Variants in SARM1 observed in about 807,000 individuals in gnomAD.
SARM1 encodes the protein sterile alpha and TIR motif containing 1.
A neutral mutation model predicts 65.1 loss-of-function variants in SARM1; 60 were observed. The observed-to-expected ratio is 0.92, with a 90% CI of 0.75 to 1.14. The LOEUF (loss-of-function observed/expected upper bound fraction) is 1.14, where lower values mean the gene tolerates loss of function less well. Ranked by LOEUF, SARM1 falls within the 50% of genes most tolerant of loss-of-function variation. The pLI is 0.00. For synonymous variants in SARM1, 417 were observed against 465.4 expected (o/e 0.90, Z 1.34); for missense variants, 913 against 1,015.7 (o/e 0.90, Z 1.37).
rs782084258 is a variant in SARM1, at chr17:28,399,513, C to G, written c.*3227C>G. ...TGTGGATGGGGTGGTGCCTTGGTCT[C>G]TCTTGACTACCTCGTCCAAAGAGAG... is the stretch of plus-strand genomic sequence containing the variant. On this transcript the variant is annotated 3_prime_UTR_variant, in exon 9 of 9. Transcript: ENST00000585482. The G allele has an allele frequency of 1.9e-5, 15 of 810,108 alleles. No homozygotes were observed. The highest frequency in any genetic ancestry group is 3.0e-5 in the Non-Finnish European group (15 of 497,368). 50.2% of individuals were successfully genotyped at this position (810,108 alleles called of 1,614,324 possible). A position where few individuals can be genotyped will look rare whatever the true frequency, so the allele number is the denominator to read the frequency against.
chr17:28,371,719 C>A lies in SARM1; in HGVS notation c.-314C>A. The A allele has an allele frequency of 3.7e-6, 1 of 268,486 alleles. No homozygotes were observed. The highest frequency in any genetic ancestry group is 7.0e-6 in the Non-Finnish European group (1 of 142,638). 16.6% of individuals were successfully genotyped at this position (268,486 alleles called of 1,614,324 possible). On this transcript the variant is annotated 5_prime_UTR_variant, in exon 1 of 9. Coordinates refer to ENST00000585482, the MANE Select transcript of SARM1 (RefSeq NM_015077.4). ...ATCTCCCAGCTCAGCCGAGCCCGTG[C>A]CCAGGCCACGCTTTGTTCCAGCCGC...
chr17:28,396,269 CCCATGGGT>C lies in SARM1; in HGVS notation c.2162_2169del (p.Met721AsnfsTer155), dbSNP rs1555587963. On this transcript the variant is annotated frameshift_variant, in exon 9 of 9. Coordinates refer to ENST00000585482, the MANE Select transcript of SARM1 (RefSeq NM_015077.4). LOFTEE classifies it high-confidence loss of function. ...TGACACCAGTTTGGAGGGTGCTGCA[CCCATGGGT>C]CCAACCTAACCAGTCCCCAGTTCCC... The C allele has an allele frequency of 6.2e-7, 1 of 1,614,004 alleles. No individual in the cohort carries two copies. Among genetic ancestry groups the C allele is most frequent in the East Asian group, 2.2e-5 (1 of 44,882 alleles).
rs1226548571 is a variant in SARM1 at position 28,384,057 on chromosome 17, C to G, written c.1090-300C>G. 1.6e-4 allele frequency among the ~76,000 whole-genome samples: 25 copies of G among 152,166 alleles called. No homozygotes were observed. The highest frequency in any genetic ancestry group is 6.0e-4 in the African/African-American group (25 of 41,424). On this transcript the variant is annotated intron_variant, in intron 2 of 8. Transcript: ENST00000585482. This position sits in a 1 kb window ranked among gnomAD's most constrained non-coding sequence, Gnocchi z 4.4. ...GAGTGATGGGCAGCTGCACTGTGCC[C>G]TGCCTGGCGCTATGCTGAGAGCTCA...
At chr17:28,390,720 A>T (rs1397290148) in intron 7 of SARM1, among the ~76,000 whole-genome samples, 2 of 152,190 alleles carry the variant, frequency 1.3e-5, no homozygotes, top group African/African-American at 4.8e-5. Flanking sequence ...AAGGACTGGA[A>T]TAATCAGGGA....
At chr17:28,376,266 G>C (rs1439812060) in intron 1 of SARM1, among the ~76,000 whole-genome samples, 1 of 152,028 alleles carries the variant, frequency 6.6e-6, no homozygotes, top group Admixed American at 6.5e-5. Context: ...CTGAAAATGA[G>C]AGTGTTGGCT....
At position 28,372,097 on chromosome 17, in the gene SARM1, G is replaced by A. The variant is rs782388206; in HGVS notation, c.65G>A (p.Arg22Gln). 6 of 1,484,634 alleles carry A rather than the reference G, an allele frequency of 4.0e-6. No individual in the cohort carries two copies. The Admixed American group carries it at 1.3e-4, about 33-fold the overall frequency. 92.0% of individuals were successfully genotyped at this position (1,484,634 alleles called of 1,614,324 possible). ...LCRFFAMSGP[R>Q]PGAERLAVPG... ...CGCTTCTTCGCCATGTCGGGCCCAC[G>A]GCCGGGCGCCGAGCGGCTGGCGGTG... The change falls in exon 1 of 9, where the codon CGG becomes CAG. Residue 22 changes from arginine to glutamine, a missense_variant. By Grantham distance (43) the Arg-to-Gln change is conservative. Coordinates refer to ENST00000585482, the MANE Select transcript of SARM1 (RefSeq NM_015077.4). This position sits in a 1 kb window ranked among gnomAD's most constrained non-coding sequence, Gnocchi z 5.2.
At position 28,385,215 on chromosome 17, in the gene SARM1, C is replaced by A; in HGVS notation, c.1570C>A (p.Leu524Met). 1 of 1,599,814 alleles carries A rather than the reference C, an allele frequency of 6.3e-7. No homozygotes were observed. Among genetic ancestry groups the A allele is most frequent in the East Asian group, 2.3e-5 (1 of 44,248 alleles). ...GCACCGCGTGTCTGAGCAGCAGCTG[C>A]TGGAAGACTGCGGCATCCACCTGGG... is the stretch of plus-strand genomic sequence containing the variant. ...LLHRVSEQQL[L>M]EDCGIHLGVH... The change falls in exon 5 of 9, where the codon CTG becomes ATG. Residue 524 changes from leucine (L) to methionine (M), a missense_variant. Coordinates refer to ENST00000585482, the MANE Select transcript of SARM1 (RefSeq NM_015077.4). This position sits in a 1 kb window ranked among gnomAD's most constrained non-coding sequence, Gnocchi z 4.5.
In SARM1 at chr17:28,403,967, C is replaced by G. The variant is rs1198842347; in HGVS notation, c.*7681C>G. 1 of 153,560 alleles carries G rather than the reference C, an allele frequency of 6.5e-6. No individual in the cohort carries two copies. Among genetic ancestry groups the G allele is most frequent in the African/African-American group, 2.4e-5 (1 of 41,422 alleles). The allele number at this position is 153,560 out of a possible 1,614,324, so 9.5% of individuals were successfully genotyped here. On this transcript the variant is annotated 3_prime_UTR_variant, in exon 9 of 9. Coordinates refer to ENST00000585482, the MANE Select transcript of SARM1 (RefSeq NM_015077.4). Reference sequence around the variant, plus strand: ...GGATGAGGCTGCAGTGAGCCATGATCGTGCCACTGCACTCTAGCCTGGGTA... The same window carrying G: ...GGATGAGGCTGCAGTGAGCCATGATGGTGCCACTGCACTCTAGCCTGGGTA...
Position 28,381,579 on chromosome 17 carries a change from G to A in SARM1, c.847G>A (p.Val283Met), listed in dbSNP as rs1555585276. Residue 283 changes from valine to methionine, a missense_variant, in exon 2 of 9, where the codon GTG becomes ATG. Val to Met is a conservative substitution (Grantham distance 21). This residue lies in a region of SARM1 where 862 missense variants were observed against 952.1 expected (regional missense o/e 0.91). Transcript: ENST00000585482. ...AVAVLATNKEVEREVERSGTL... is the reference protein window; with the variant it reads ...AVAVLATNKEMEREVERSGTL... ...AGCGGTGTTGGCGACTAACAAGGAGGTGGAGCGCGAGGTGGAGCGCTCGGG... is the reference window on the plus strand; with the variant it reads ...AGCGGTGTTGGCGACTAACAAGGAGATGGAGCGCGAGGTGGAGCGCTCGGG... 2.3e-5 allele frequency: 37 copies of A among 1,591,938 alleles called. No homozygotes were observed. The highest frequency in any genetic ancestry group is 3.0e-5 in the Non-Finnish European group (35 of 1,170,514).
At position 28,384,409 on chromosome 17, in the gene SARM1, C is replaced by G. The variant is rs1555585631; in HGVS notation, c.1142C>G (p.Ser381Cys). 5 of 1,612,260 alleles carry G rather than the reference C, an allele frequency of 3.1e-6. No individual in the cohort carries two copies. Among genetic ancestry groups the G allele is most frequent in the Non-Finnish European group, 4.2e-6 (5 of 1,179,118 alleles). The change falls in exon 3 of 9, where the codon TCT becomes TGT. Residue 381 changes from serine to cysteine, a missense_variant. Around this residue, in one of 3 missense-constraint regions of SARM1, gnomAD observed 862 missense variants for 952.1 expected, o/e 0.91. Transcript: ENST00000585482. The surrounding 1 kb of genome is among the most constrained non-coding windows in gnomAD (Gnocchi z 4.4). The stretch of plus-strand genomic sequence containing the variant: ...AGCCTGAAACGCCTGGTTTCCTACT[C>G]TACCAATGGCACTAAGTCGGCGCTG... ...IQSLKRLVSY[S>C]TNGTKSALAK...
intron 1 of SARM1, among the ~76,000 whole-genome samples, chr17:28,377,680 G>T (rs984683878): frequency 6.6e-6 from 1 of 152,266 alleles, no homozygotes; most frequent in East Asian, 1.9e-4. Flanking sequence ...CTCTTTGGCA[G>T]TAATGTCACC....
chr17:28,386,678 G>A (rs961531619), intron 5 of SARM1: 8 of 152,296 alleles, frequency 5.3e-5, no homozygotes, highest in Non-Finnish European at 1.2e-4. Context: ...TTCAACCAAA[G>A]CAGGTTGGCT....
chr17:28,379,333 C>T lies in SARM1; in HGVS notation c.471-1870C>T, dbSNP rs534757431. ...TTTTTTTTTTTTTTTTTTTTTGAGA[C>T]GGAGTCTCGCTCTGTTGCCCAGGCT... is the stretch of plus-strand genomic sequence containing the variant. On this transcript the variant is annotated intron_variant, in intron 1 of 8. Transcript: ENST00000585482. Among the ~76,000 whole-genome samples, 82 of 95,040 alleles carry T rather than the reference C, an allele frequency of 8.6e-4. 1 individual carries two copies. In the East Asian group the frequency reaches 0.025, roughly 30 times the overall value. The allele number at this position is 95,040 out of a possible 152,430, so 62.3% of individuals were successfully genotyped here.
Position 28,402,539 on chromosome 17 carries a change from T to C in SARM1, c.*6253T>C, listed in dbSNP as rs2068210194. ...GCTAGCTCTCATGAATGAATGCTAA[T>C]TCCCATTGATTGCTTTCTTGTCTGA... On this transcript the variant is annotated 3_prime_UTR_variant, in exon 9 of 9. Coordinates refer to ENST00000585482, the MANE Select transcript of SARM1 (RefSeq NM_015077.4). The C allele has an allele frequency of 6.5e-6, 3 of 459,290 alleles. No individual in the cohort carries two copies. The South Asian group carries it at 8.7e-5, about 13-fold the overall frequency. The allele number at this position is 459,290 out of a possible 1,614,324, so 28.5% of individuals were successfully genotyped here. A position where few individuals can be genotyped will look rare whatever the true frequency, so the allele number is the denominator to read the frequency against.
At chr17:28,386,361 C>A (rs1160634849) in intron 5 of SARM1, among the ~76,000 whole-genome samples, 1 of 151,738 alleles carries the variant, frequency 6.6e-6, no homozygotes, top group Non-Finnish European at 1.5e-5. Flanking sequence ...ATCTGTGTGA[C>A]CCCCCACCCC....
rs2068174337 is a variant in SARM1 at position 28,399,797 on chromosome 17, G to A, written c.*3511G>A. ...GGAGAAGTGACACAGGATTTACTGGGGTGGGCTGGTCCAGGTAGCTCTCCT... is the reference window on the plus strand; with the variant it reads ...GGAGAAGTGACACAGGATTTACTGGAGTGGGCTGGTCCAGGTAGCTCTCCT... On this transcript the variant is annotated 3_prime_UTR_variant, in exon 9 of 9. Transcript: ENST00000585482. 6.9e-7 allele frequency: 1 copy of A among 1,452,480 alleles called. No individual in the cohort carries two copies. Among genetic ancestry groups the A allele is most frequent in the African/African-American group, 1.4e-5 (1 of 71,640 alleles). 90.0% of individuals were successfully genotyped at this position (1,452,480 alleles called of 1,614,324 possible). A position where few individuals can be genotyped will look rare whatever the true frequency, so the allele number is the denominator to read the frequency against.
At position 28,403,387 on chromosome 17, in the gene SARM1, T is replaced by C. The variant is rs554865838; in HGVS notation, c.*7101T>C. 1 of 152,594 alleles carries C rather than the reference T, an allele frequency of 6.6e-6. No individual in the cohort carries two copies. The highest frequency in any genetic ancestry group is 2.1e-4 in the South Asian group (1 of 4,816). The allele number at this position is 152,594 out of a possible 1,614,324, so 9.5% of individuals were successfully genotyped here. On this transcript the variant is annotated 3_prime_UTR_variant, in exon 9 of 9. Coordinates refer to ENST00000585482, the MANE Select transcript of SARM1 (RefSeq NM_015077.4). ...AGGCTTCCTGTTTTCTTCATAACCA[T>C]TTCTCTCCCTGTGCGACTGCTGACT...
At position 28,381,607 on chromosome 17, in the gene SARM1, C is replaced by T; in HGVS notation, c.875C>T (p.Thr292Met). The T allele has an allele frequency of 1.3e-6, 2 of 1,582,382 alleles. No individual in the cohort carries two copies. The highest frequency in any genetic ancestry group is 2.3e-5 in the East Asian group (1 of 43,258). The change falls in exon 2 of 9, where the codon ACG (threonine) becomes ATG (methionine). Residue 292 changes from threonine (T) to methionine (M), a missense_variant. Physicochemically the swap from Thr to Met is moderately conservative, Grantham distance 81 (BLOSUM62 -1). This residue lies in a region of SARM1 where 862 missense variants were observed against 952.1 expected (regional missense o/e 0.91). Transcript: ENST00000585482. ...GAGCGCGAGGTGGAGCGCTCGGGCA[C>T]GCTGGCGCTCGTGGAGCCGCTTGTG... The part of the protein sequence containing the change: ...EVEREVERSG[T>M]LALVEPLVAS...
At position 28,385,176 on chromosome 17, in the gene SARM1, GACC is replaced by G; in HGVS notation, c.1532_1534del (p.Asp511_Arg512delinsGly). 2 of 1,610,758 alleles carry G rather than the reference GACC, an allele frequency of 1.2e-6. No individual in the cohort carries two copies. The highest frequency in any genetic ancestry group is 8.5e-7 in the Non-Finnish European group (1 of 1,179,224). ...CTACGGCCTGGTCAGCTGCGGCCTG[GACC>G]GCTCCCTGCTGCACCGCGTGTCTGA... On this transcript the variant is annotated inframe_deletion, in exon 5 of 9. Transcript: ENST00000585482. The surrounding 1 kb of genome is among the most constrained non-coding windows in gnomAD (Gnocchi z 4.5).
Sources: allele counts gnomAD v4.1 joint callset (sites outside exome capture counted in the v4.1 genomes callset), GRCh38; gene constraint gnomAD v4.1.1; regional missense constraint gnomAD v4.1.1; non-coding constraint Gnocchi (gnomAD v3.1); transcripts MANE v1.5; gene names NCBI Gene and HGNC (gene_info 2026-07-23, HGNC 2026-07-21).